The following DPP10 variants were observed in gnomAD, a reference collection of about 807,000 sequenced individuals.
DPP10 encodes the protein dipeptidyl peptidase like 10, also known as inactive dipeptidyl peptidase 10.
A neutral mutation model predicts 120.9 loss-of-function variants in DPP10; 33 were observed. The ratio of observed to expected loss-of-function variants is 0.27; its 90% CI spans 0.21 to 0.37. The LOEUF (loss-of-function observed/expected upper bound fraction) is 0.37. Among genes scored for constraint, DPP10 ranks in the 10% least tolerant of loss-of-function variants. The pLI, the probability that DPP10 is intolerant of heterozygous loss-of-function variation, is 1.00. For missense variants in DPP10, 816 were observed against 942.8 expected, an observed-to-expected ratio of 0.87 and a Z score of 1.76; for synonymous variants, 337 against 326.1, an observed-to-expected ratio of 1.03 and a Z score of -0.36.
chr2:115,521,605 A>ATTTTTTTTTTTTTTTT (rs79361161), intron 4 of DPP10, among the ~76,000 whole-genome samples: 1 of 143,556 alleles, frequency 7.0e-6, no homozygotes. Context: ...TCTAATCCTT[A>ATTTTTTTTTTTTTTTT]TTTTTTTTTT....
intron 1 of DPP10, among the ~76,000 whole-genome samples, chr2:114,465,221 G>A (rs1051166056): frequency 2.6e-5 from 4 of 152,178 alleles, no homozygotes; most frequent in East Asian, 3.9e-4. Context: ...TATCGTCCAC[G>A]TGTCTTAGGT....
At chr2:115,739,632 C>T in intron 8 of DPP10, 107 bp from the exon 9 acceptor site, 1 of 1,163,132 alleles carries the variant, frequency 8.6e-7, no homozygotes, top group South Asian at 1.6e-5. Flanking sequence ...ATTCAATACA[C>T]AGTCTAGAAA....
At chr2:114,866,112 A>AAAATAAATAAAC (rs1553444391) in intron 1 of DPP10, among the ~76,000 whole-genome samples, 2 of 141,600 alleles carry the variant, frequency 1.4e-5, no homozygotes, top group Non-Finnish European at 3.1e-5. Flanking sequence ...CTCTGTCTCA[A>AAAATAAATAAAC]AAATAAATAA....
intron 1 of DPP10, among the ~76,000 whole-genome samples, chr2:114,630,598 C>T (rs1466905381): frequency 6.6e-6 from 1 of 152,062 alleles, no homozygotes; most frequent in Non-Finnish European, 1.5e-5. Flanking sequence ...GAATAGCTGC[C>T]AACCACATCC....
intron 1 of DPP10, among the ~76,000 whole-genome samples, chr2:114,952,346 C>T (rs1178981574): frequency 6.6e-6 from 1 of 152,076 alleles, no homozygotes; most frequent in Non-Finnish European, 1.5e-5. Context: ...CTTTCCCATG[C>T]AAACAAATGT....
At chr2:115,283,285 T>C (rs1351487155) in intron 1 of DPP10, among the ~76,000 whole-genome samples, 1 of 152,008 alleles carries the variant, frequency 6.6e-6, no homozygotes, top group Non-Finnish European at 1.5e-5. Flanking sequence ...AAACCTGAAT[T>C]TGTAATCAGG....
At chr2:115,767,584 GTA>G (rs113660067) in intron 12 of DPP10, among the ~76,000 whole-genome samples, 36 of 150,950 alleles carry the variant, frequency 2.4e-4, no homozygotes, top group Admixed American at 1.7e-3. Context: ...GTGTGTGTGT[GTA>G]TATATATATG....
intron 5 of DPP10, among the ~76,000 whole-genome samples, chr2:115,543,046 T>C (rs1013872427): frequency 6.6e-6 from 1 of 152,040 alleles, no homozygotes; most frequent in African/African-American, 2.4e-5. Context: ...GCATATATTC[T>C]ATTACTTTTC....
chr2:115,568,765 G>A lies in DPP10; in HGVS notation c.441+42793G>A, dbSNP rs928762775. ...CCAGGCTAAGCTGTCAGTCAGTGCAGCTCATTCTGCTACCCTTCTGCTAGC... is the reference window on the plus strand; with the variant it reads ...CCAGGCTAAGCTGTCAGTCAGTGCAACTCATTCTGCTACCCTTCTGCTAGC... On this transcript the variant is annotated intron_variant, in intron 5 of 25. Transcript: ENST00000410059. Among the ~76,000 whole-genome samples, 38 of 152,094 alleles carry A rather than the reference G, an allele frequency of 2.5e-4. 1 individual carries two copies. Among genetic ancestry groups the A allele is most frequent in the Admixed American group, 2.0e-3 (31 of 15,276 alleles).
chr2:115,088,763 A>AAAAAAAAAAAAAAAAAC (rs1164808549), intron 1 of DPP10, among the ~76,000 whole-genome samples: 2 of 149,316 alleles, frequency 1.3e-5, no homozygotes, highest in Admixed American at 6.6e-5. Context: ...AAAAAAAAAA[A>AAAAAAAAAAAAAAAAAC]AAAAAACCAA....
At chr2:115,641,042 G>A (rs1215639815) in intron 5 of DPP10, among the ~76,000 whole-genome samples, 3 of 152,040 alleles carry the variant, frequency 2.0e-5, no homozygotes, top group Non-Finnish European at 4.4e-5. Context: ...TTTGAAAATA[G>A]AATAATATGT....
chr2:115,757,283 C>A (rs1021995954), intron 11 of DPP10, among the ~76,000 whole-genome samples: 1 of 151,788 alleles, frequency 6.6e-6, no homozygotes, highest in Non-Finnish European at 1.5e-5. Context: ...GTGTAATAGT[C>A]TGTTTTCATG....
At chr2:115,061,715 C>T (rs1706418212) in intron 1 of DPP10, among the ~76,000 whole-genome samples, 2 of 152,110 alleles carry the variant, frequency 1.3e-5, no homozygotes, top group Admixed American at 1.3e-4. Context: ...GATTCATTTA[C>T]TCCTTCCAAA....
chr2:114,883,903 A>T (rs1691847639), intron 1 of DPP10, among the ~76,000 whole-genome samples: 1 of 152,228 alleles, frequency 6.6e-6, no homozygotes, highest in Non-Finnish European at 1.5e-5. Flanking sequence ...CAGGAGTATA[A>T]CAAGCAAAAA....
intron 1 of DPP10, among the ~76,000 whole-genome samples, chr2:115,292,657 A>T (rs926015722): frequency 2.6e-5 from 4 of 152,056 alleles, no homozygotes. Context: ...AAATCTGGGG[A>T]GCATACTCTC....
At chr2:115,131,176 C>T (rs1421653044) in intron 1 of DPP10, 1 of 152,180 alleles carries the variant, frequency 6.6e-6, no homozygotes, top group Non-Finnish European at 1.5e-5. Context: ...ACAACACTCC[C>T]TTCCAACATC....
chr2:114,651,219 C>T (rs1696558834), intron 1 of DPP10, among the ~76,000 whole-genome samples: 1 of 152,248 alleles, frequency 6.6e-6, no homozygotes, highest in South Asian at 2.1e-4. Context: ...TACTTAGTCA[C>T]ATTTTGACTA....
chr2:114,743,926 T>C (rs1457259491), intron 1 of DPP10, among the ~76,000 whole-genome samples: 3 of 152,156 alleles, frequency 2.0e-5, no homozygotes, highest in African/African-American at 7.2e-5. Flanking sequence ...GGTAGTTTGC[T>C]AATAAGCAAC....
chr2:115,343,996 C>A, intron 3 of DPP10, 84 bp downstream of exon 3: 1 of 1,122,548 alleles, frequency 8.9e-7, no homozygotes, highest in South Asian at 1.8e-5. Flanking sequence ...GTAAGCTGGG[C>A]GCAATGGCTT....
Sources: allele counts gnomAD v4.1 joint callset (sites outside exome capture counted in the v4.1 genomes callset), GRCh38; gene constraint gnomAD v4.1.1; transcripts MANE v1.5; gene names NCBI Gene and HGNC (gene_info 2026-07-23, HGNC 2026-07-21).